The following PRELID2 variants were observed in gnomAD, a reference collection of about 807,000 sequenced individuals.
PRELID2 encodes the protein PRELI domain containing 2, also known as PRELI domain-containing protein 2.
PRELID2 carries 25 observed loss-of-function variants against 28.4 expected under a neutral mutation model. The ratio of observed to expected loss-of-function variants is 0.88; its 90% CI spans 0.64 to 1.23. PRELID2 has a LOEUF of 1.23. Ranked by LOEUF, PRELID2 falls within the 50% of genes most tolerant of loss-of-function variation. The pLI, the probability that PRELID2 is intolerant of heterozygous loss-of-function variation, is 0.00. For missense variants in PRELID2, 201 were observed against 214.4 expected, an observed-to-expected ratio of 0.94 and a Z score of 0.39; for synonymous variants, 76 against 71.6, an observed-to-expected ratio of 1.06 and a Z score of -0.31.
chr5:145,816,960 G>A (rs1047926727), intron 4 of PRELID2, among the ~76,000 whole-genome samples: 2 of 151,746 alleles, frequency 1.3e-5, no homozygotes, highest in Non-Finnish European at 2.9e-5. Flanking sequence ...AGGAGTTTGA[G>A]ACCAGCCTGG....
intron 1 of PRELID2, among the ~76,000 whole-genome samples, chr5:145,555,694 G>T (rs868008982): frequency 6.6e-6 from 1 of 152,098 alleles, no homozygotes; most frequent in African/African-American, 2.4e-5. Flanking sequence ...ATAGATTTTT[G>T]GTTAGTGGCT....
the PRELID2 span, among the ~76,000 whole-genome samples, chr5:145,291,861 A>C: frequency 2.1e-3 from 318 of 152,318 alleles, 9 homozygotes; most frequent in East Asian, 0.053. Flanking sequence ...AGTTGTTCCA[A>C]CATCATTTAC....
rs373080703 is a variant in PRELID2 at position 145,588,491 on chromosome 5, C to T, written n.71-115176G>A. ...AATGAATGAATAGACCTGTAATCCA[C>T]CCAGAGATTATTGTTCTTATATTCA... On this transcript the variant is annotated intron_variant and non_coding_transcript_variant, in intron 1 of 2. Transcript: ENST00000510259. Among the ~76,000 whole-genome samples, 56 of 152,214 alleles carry T rather than the reference C, an allele frequency of 3.7e-4. No homozygotes were observed. In the East Asian group the frequency reaches 8.1e-3, roughly 22 times the overall value.
At chr5:145,552,368 G>T (rs1267224485) in intron 1 of PRELID2, among the ~76,000 whole-genome samples, 3 of 152,004 alleles carry the variant, frequency 2.0e-5, no homozygotes, top group African/African-American at 7.3e-5. Flanking sequence ...CAAGACTTTG[G>T]GTGGGGTATG....
At chr5:145,272,088 T>C in the PRELID2 span, among the ~76,000 whole-genome samples, 1 of 151,986 alleles carries the variant, frequency 6.6e-6, no homozygotes, top group African/African-American at 2.4e-5. Flanking sequence ...CAACATATTT[T>C]TTTTTTATTT....
chr5:145,433,417 G>A, the PRELID2 span, among the ~76,000 whole-genome samples: 1 of 152,150 alleles, frequency 6.6e-6, no homozygotes, highest in East Asian at 1.9e-4. Flanking sequence ...TCAGGGCCAG[G>A]TGGCTTCCCG....
At chr5:145,229,209 T>TA in the PRELID2 span, 2 of 816,016 alleles carry the variant, frequency 2.5e-6, no homozygotes, top group Non-Finnish European at 4.4e-6. Flanking sequence ...GCTCATCTGC[T>TA]ACTCGCTGGC....
At chr5:145,347,710 A>G in the PRELID2 span, among the ~76,000 whole-genome samples, 1 of 151,946 alleles carries the variant, frequency 6.6e-6, no homozygotes, top group Non-Finnish European at 1.5e-5. Context: ...AGTAAATAAT[A>G]CCACCCCTGT....
intron 1 of PRELID2, among the ~76,000 whole-genome samples, chr5:145,543,619 A>G (rs1752762657): frequency 1.3e-5 from 2 of 152,156 alleles, no homozygotes; most frequent in Admixed American, 1.3e-4. Flanking sequence ...CTGAAAGAAC[A>G]GTAGCCAGTA....
intron 1 of PRELID2, among the ~76,000 whole-genome samples, chr5:145,714,687 C>T (rs1487928149): frequency 2.0e-5 from 3 of 152,100 alleles, no homozygotes; most frequent in Non-Finnish European, 4.4e-5. Flanking sequence ...ATATCTGTGT[C>T]GTAAGTTCAC....
At chr5:145,256,589 G>T in the PRELID2 span, among the ~76,000 whole-genome samples, 2 of 151,900 alleles carry the variant, frequency 1.3e-5, no homozygotes, top group South Asian at 2.1e-4. Flanking sequence ...TGTGGGAGGG[G>T]ACATTATTCT....
chr5:145,260,436 C>T, the PRELID2 span, among the ~76,000 whole-genome samples: 1 of 152,166 alleles, frequency 6.6e-6, no homozygotes, highest in African/African-American at 2.4e-5. Context: ...TATCAGAAGA[C>T]TTAAACAGCA....
chr5:145,473,965 A>G (rs1182953917), intron 1 of PRELID2, among the ~76,000 whole-genome samples: 1 of 152,246 alleles, frequency 6.6e-6, no homozygotes, highest in Non-Finnish European at 1.5e-5. Context: ...GCTAAGTTAC[A>G]GTTAAATCTG....
the PRELID2 span, among the ~76,000 whole-genome samples, chr5:145,243,744 G>A: frequency 1.3e-5 from 2 of 152,050 alleles, no homozygotes; most frequent in African/African-American, 2.4e-5. Context: ...TTGCTTGAAT[G>A]TCTTGCCAAC....
chr5:145,473,131 G>A (rs1230434918), intron 2 of PRELID2: 1 of 152,146 alleles, frequency 6.6e-6, no homozygotes, highest in African/African-American at 2.4e-5. Flanking sequence ...TCAAGTGTTT[G>A]AAGAAATTAA....
At chr5:145,285,741 T>C in the PRELID2 span, among the ~76,000 whole-genome samples, 2 of 152,298 alleles carry the variant, frequency 1.3e-5, no homozygotes, top group Admixed American at 6.5e-5. Flanking sequence ...GGTTTCCCTC[T>C]GAAGACCTTA....
rs147113997 is a variant in PRELID2 at position 145,801,155 on chromosome 5, C to G, written c.369-4608G>C. Among the ~76,000 whole-genome samples, 551 of 152,092 alleles carry G rather than the reference C, an allele frequency of 3.6e-3. 7 individuals are homozygous for G. Among genetic ancestry groups the G allele is most frequent in the African/African-American group, 0.013 (524 of 41,472 alleles). On this transcript the variant is annotated intron_variant, in intron 4 of 6. Transcript: ENST00000683046. The stretch of plus-strand genomic sequence containing the variant: ...ACAATATGTATTCCTTTGGCCATCA[C>G]CAAAAAGTCTATTGAGTAATAAGAC...
chr5:145,297,357 A>G, the PRELID2 span, among the ~76,000 whole-genome samples: 1 of 152,118 alleles, frequency 6.6e-6, no homozygotes, highest in Non-Finnish European at 1.5e-5. Flanking sequence ...ACAGAACCAA[A>G]GACAAAAACC....
intron 1 of PRELID2, among the ~76,000 whole-genome samples, chr5:145,499,770 G>A (rs534709168): frequency 3.9e-5 from 6 of 152,330 alleles, no homozygotes; most frequent in South Asian, 2.1e-4. Context: ...CCCTGACCCC[G>A]AAATGAAAGG....
Sources: allele counts gnomAD v4.1 joint callset (sites outside exome capture counted in the v4.1 genomes callset), GRCh38; gene constraint gnomAD v4.1.1; transcripts MANE v1.5; gene names NCBI Gene and HGNC (gene_info 2026-07-23, HGNC 2026-07-21).